Variants in DSG4 observed in about 807,000 individuals in gnomAD.
The protein encoded by DSG4 is desmoglein-4.
Under a neutral mutation model 93.1 loss-of-function variants are expected in DSG4, and 87 were observed. The ratio of observed to expected loss-of-function variants is 0.93; its 90% CI spans 0.79 to 1.12. DSG4 has a LOEUF of 1.12. DSG4 is among the 50% of genes most tolerant of loss of function. The pLI is 0.00. For missense variants in DSG4, 1,373 were observed against 1,285.7 expected, an observed-to-expected ratio of 1.07 and a Z score of -1.04; for synonymous variants, 432 against 452.9, an observed-to-expected ratio of 0.95 and a Z score of 0.59.
At chr18:31,403,298 A>C (rs1170393359) in intron 10 of DSG4, 118 bp from the exon 11 acceptor site, 1 of 864,976 alleles carries the variant, frequency 1.2e-6, no homozygotes. Flanking sequence ...GGAACCTGTC[A>C]AGCCTCCCAA....
intron 1 of DSG4, among the ~76,000 whole-genome samples, chr18:31,378,112 C>A (rs2072096628): frequency 6.6e-6 from 1 of 152,150 alleles, no homozygotes; most frequent in African/African-American, 2.4e-5. Flanking sequence ...CAAAAGGGAA[C>A]GTGACAACAG....
intron 2 of DSG4, among the ~76,000 whole-genome samples, chr18:31,386,378 T>C (rs964618939): frequency 2.6e-5 from 4 of 152,126 alleles, no homozygotes; most frequent in African/African-American, 9.7e-5. Context: ...TCCTATATGG[T>C]GAAGATAGAT....
At position 31,413,970 on chromosome 18, in the gene DSG4, T is replaced by C. The variant is rs968301284; in HGVS notation, c.*375T>C. On this transcript the variant is annotated 3_prime_UTR_variant, in exon 16 of 16. Coordinates refer to ENST00000308128, the MANE Select transcript of DSG4 (RefSeq NM_177986.5). ...AGTTACAAAAGAAGCCCTGTCTACA[T>C]CCACCAGCCATATTTTTCGTTAGGG... 6.2e-6 allele frequency: 1 copy of C among 162,234 alleles called. No homozygotes were observed. The highest frequency in any genetic ancestry group is 6.0e-5 in the Admixed American group (1 of 16,716). The allele number at this position is 162,234 out of a possible 1,614,324, so 10.0% of individuals were successfully genotyped here.
At chr18:31,392,491 C>A in intron 8 of DSG4, 151 bp downstream of exon 8, 1 of 814,172 alleles carries the variant, frequency 1.2e-6, no homozygotes, top group Non-Finnish European at 2.0e-6. Flanking sequence ...ACTGCTATGT[C>A]AGTCTGAGTC....
At chr18:31,389,573 C>A (rs545287439) in intron 5 of DSG4, among the ~76,000 whole-genome samples, 52 of 151,974 alleles carry the variant, frequency 3.4e-4, no homozygotes, top group African/African-American at 1.2e-3. Context: ...TATATTAATT[C>A]TCCTGAACTT....
chr18:31,390,195 T>C (rs1015996332), intron 5 of DSG4, among the ~76,000 whole-genome samples: 1 of 152,174 alleles, frequency 6.6e-6, no homozygotes, highest in Non-Finnish European at 1.5e-5. Context: ...AGTAATTATC[T>C]GCTTTCTGGA....
At chr18:31,383,582 TACTAGAGTTTTAAA>T (rs571233825) in intron 1 of DSG4, among the ~76,000 whole-genome samples, 82 of 152,196 alleles carry the variant, frequency 5.4e-4, no homozygotes, top group African/African-American at 1.9e-3. Flanking sequence ...AAGTTTAAAA[TACTAGAGTTTTAAA>T]ACTAGAGTTT....
rs1731360710 is a variant in DSG4, at chr18:31,412,192, A to T, written c.2356-636A>T. Among the ~76,000 whole-genome samples, 3 of 152,230 alleles carry T rather than the reference A, an allele frequency of 2.0e-5. No homozygotes were observed. The South Asian group carries it at 6.2e-4, about 32-fold the overall frequency. On this transcript the variant is annotated intron_variant, in intron 15 of 15. Coordinates refer to ENST00000308128, the MANE Select transcript of DSG4 (RefSeq NM_177986.5). Reference sequence around the variant, plus strand: ...ACCCAATGGAATATTATTCAGCCATAAAAAATGAAATTTTGTCATTTTGCA... The same window carrying T: ...ACCCAATGGAATATTATTCAGCCATTAAAAATGAAATTTTGTCATTTTGCA...
At chr18:31,381,523 C>T (rs181835456) in intron 1 of DSG4, among the ~76,000 whole-genome samples, 2 of 152,282 alleles carry the variant, frequency 1.3e-5, no homozygotes, top group East Asian at 3.9e-4. Flanking sequence ...TACATTCTTC[C>T]TTTACATTGC....
Position 31,392,254 on chromosome 18 carries a change from T to C in DSG4, c.919T>C (p.Tyr307His). The change falls in exon 8 of 16, where the codon TAT becomes CAT. Residue 307 changes from tyrosine to histidine, a missense_variant. Transcript: ENST00000308128. Reference protein sequence around the residue: ...EEGTDNWLAQYLILSGNDGNW... With the variant: ...EEGTDNWLAQHLILSGNDGNW... The stretch of plus-strand genomic sequence containing the variant: ...AGGCACTGATAACTGGTTGGCTCAA[T>C]ATTTAATTCTCTCTGGAAATGATGG... 6.2e-7 allele frequency: 1 copy of C among 1,613,798 alleles called. No homozygotes were observed. Among genetic ancestry groups the C allele is most frequent in the Non-Finnish European group, 8.5e-7 (1 of 1,179,842 alleles).
chr18:31,377,068 C>A, intron 1 of DSG4, 109 bp downstream of exon 1: 2 of 1,197,350 alleles, frequency 1.7e-6, no homozygotes, highest in Non-Finnish European at 2.4e-6. Context: ...CTCCTTCCTG[C>A]AAAGAGAGTT....
chr18:31,405,113 G>T (rs1311761360), intron 11 of DSG4, among the ~76,000 whole-genome samples: 1 of 152,088 alleles, frequency 6.6e-6, no homozygotes, highest in Non-Finnish European at 1.5e-5. Flanking sequence ...GCTAACTGAG[G>T]ATAATAAACC....
At chr18:31,391,834 A>T (rs2072253285) in intron 7 of DSG4, among the ~76,000 whole-genome samples, 1 of 152,100 alleles carries the variant, frequency 6.6e-6, no homozygotes, top group Non-Finnish European at 1.5e-5. Flanking sequence ...TCAGCCCTTT[A>T]CAGAAAAAAA....
chr18:31,385,232 T>C, intron 2 of DSG4, 61 bp downstream of exon 2: 1 of 1,161,124 alleles, frequency 8.6e-7, no homozygotes, highest in Middle Eastern at 2.7e-4. Flanking sequence ...AATTTTGTAA[T>C]GTATTATATA....
Position 31,411,438 on chromosome 18 carries a change from A to G in DSG4, c.2345A>G (p.Tyr782Cys), listed in dbSNP as rs367701012. ...ATCAACATGGCTTTCTTGGACAGCT[A>G]CTTCTCGGAGGTAATGCCCTCACAG... ...ADINMAFLDS[Y>C]FSEKAYAYAD... Residue 782 changes from tyrosine to cysteine, a missense_variant, in exon 15 of 16, where the codon TAC becomes TGC. Tyr to Cys is a radical substitution (Grantham distance 194). Coordinates refer to ENST00000308128, the MANE Select transcript of DSG4 (RefSeq NM_177986.5). The G allele has an allele frequency of 2.2e-5, 35 of 1,613,654 alleles. No individual in the cohort carries two copies. Among genetic ancestry groups the G allele is most frequent in the African/African-American group, 2.1e-4 (16 of 74,938 alleles).
chr18:31,410,239 T>C (rs1167657866), intron 14 of DSG4, among the ~76,000 whole-genome samples: 1 of 152,138 alleles, frequency 6.6e-6, no homozygotes, highest in Non-Finnish European at 1.5e-5. Context: ...TCAAGACATT[T>C]AACCTCACTG....
chr18:31,376,824 A>G lies in DSG4; in HGVS notation c.-88A>G, dbSNP rs886053703. On this transcript the variant is annotated 5_prime_UTR_variant, in exon 1 of 16. In the 5' UTR this introduces an upstream ATG that the reference lacks. Transcript: ENST00000308128. ...CTCCTAAAAGGGTGTCTCAAAGCAT[A>G]TCTTTCTGTAGAGCAGAATTCGGAA... The G allele has an allele frequency of 2.7e-6, 4 of 1,461,526 alleles. No individual in the cohort carries two copies. Among genetic ancestry groups the G allele is most frequent in the Non-Finnish European group, 3.8e-6 (4 of 1,043,632 alleles). The allele number at this position is 1,461,526 out of a possible 1,614,324, so 90.5% of individuals were successfully genotyped here. A position where few individuals can be genotyped will look rare whatever the true frequency, so the allele number is the denominator to read the frequency against.
rs75969922 is a variant in DSG4 at position 31,391,056 on chromosome 18, G to A, written c.685-22G>A. On this transcript the variant is annotated intron_variant, in intron 6 of 15. Transcript: ENST00000308128. Reference sequence around the variant, plus strand: ...ATTCAAGACAAAACCTAAGTCTTACGTTCTTTTTCATCTTGATTAAGCAAC... The same window carrying A: ...ATTCAAGACAAAACCTAAGTCTTACATTCTTTTTCATCTTGATTAAGCAAC... 1,519 of 1,613,120 alleles carry A rather than the reference G, an allele frequency of 9.4e-4. 10 individuals are homozygous for A. In the African/African-American group the frequency reaches 0.016, roughly 17 times the overall value.
intron 3 of DSG4, among the ~76,000 whole-genome samples, 197 bp from the exon 4 acceptor site, chr18:31,388,170 G>T (rs555326265): frequency 6.6e-6 from 1 of 152,170 alleles, no homozygotes; most frequent in South Asian, 2.1e-4. Flanking sequence ...CAACAAATCT[G>T]TGTGATATTA....
Sources: gnomAD v4.1 joint callset for allele counts (sites outside exome capture counted in the v4.1 genomes callset) on GRCh38, gnomAD v4.1.1 for gene constraint, MANE v1.5 for transcripts, NCBI Gene and HGNC (gene_info 2026-07-23, HGNC 2026-07-21) for gene names.